ATXN10: variants seen among roughly 807,000 people sequenced by gnomAD.
ATXN10 encodes ataxin-10.
ATXN10 carries 28 observed loss-of-function variants against 52.9 expected under a neutral mutation model. That is an observed-to-expected ratio of 0.53 (90% CI 0.39 to 0.73). The LOEUF is 0.73. ATXN10 is among the 30% of genes least tolerant of loss of function. The pLI, the probability that ATXN10 is intolerant of heterozygous loss-of-function variation, is 0.00. For synonymous variants in ATXN10, 226 were observed against 221.5 expected (o/e 1.02, Z -0.18); for missense variants, 565 against 577.0 (o/e 0.98, Z 0.21).
intron 10 of ATXN10, among the ~76,000 whole-genome samples, chr22:45,836,313 T>C (rs938872881): frequency 3.3e-5 from 5 of 152,272 alleles, no homozygotes; most frequent in Admixed American, 6.5e-5. Flanking sequence ...AAAATATCTC[T>C]TGACATTCGA....
intron 9 of ATXN10, among the ~76,000 whole-genome samples, chr22:45,752,251 T>G (rs1431185075): frequency 6.6e-6 from 1 of 152,206 alleles, no homozygotes; most frequent in Non-Finnish European, 1.5e-5. Flanking sequence ...GAAATGGATT[T>G]GGCCTACTGT....
At position 45,775,192 on chromosome 22, in the gene ATXN10, G is replaced by T. The variant is rs1926907835; in HGVS notation, c.1174-31767G>T. On this transcript the variant is annotated intron_variant, in intron 9 of 11. Transcript: ENST00000252934. This position sits in a 1 kb window ranked among gnomAD's most constrained non-coding sequence, Gnocchi z 4.7. ...ACTCCTAGAGAAGGAGGGGATGGCAGTGGGCAGGGGACAGATGTGTGCACA... is the reference window on the plus strand; with the variant it reads ...ACTCCTAGAGAAGGAGGGGATGGCATTGGGCAGGGGACAGATGTGTGCACA... Among the ~76,000 whole-genome samples, 1 of 152,208 alleles carries T rather than the reference G, an allele frequency of 6.6e-6. No homozygotes were observed. Among genetic ancestry groups the T allele is most frequent in the African/African-American group, 2.4e-5 (1 of 41,456 alleles).
intron 9 of ATXN10, among the ~76,000 whole-genome samples, chr22:45,776,307 C>T (rs1166757079): frequency 1.3e-5 from 2 of 152,146 alleles, no homozygotes; most frequent in Non-Finnish European, 2.9e-5. Flanking sequence ...ACTTTCCATT[C>T]TATAAAGCAC....
At chr22:45,802,521 T>C (rs1490672438) in intron 9 of ATXN10, among the ~76,000 whole-genome samples, 1 of 152,214 alleles carries the variant, frequency 6.6e-6, no homozygotes, top group African/African-American at 2.4e-5. Flanking sequence ...AAGTATGTAA[T>C]TGTGTATTTG....
At chr22:45,724,298 G>A (rs557124733) in intron 6 of ATXN10, among the ~76,000 whole-genome samples, 22 of 152,130 alleles carry the variant, frequency 1.4e-4, no homozygotes, top group African/African-American at 4.8e-4. Flanking sequence ...TTGTATATGC[G>A]TTCCTTTTTC....
chr22:45,768,678 G>A (rs1926671942), intron 9 of ATXN10, among the ~76,000 whole-genome samples: 1 of 152,216 alleles, frequency 6.6e-6, no homozygotes, highest in African/African-American at 2.4e-5. Context: ...AGCTTGCTCA[G>A]TGACAGATGG....
At chr22:45,737,120 G>A (rs1024891876) in intron 7 of ATXN10, among the ~76,000 whole-genome samples, 2 of 152,174 alleles carry the variant, frequency 1.3e-5, no homozygotes, top group Non-Finnish European at 2.9e-5. Flanking sequence ...TCATTATGAA[G>A]CCATAGCTGT....
chr22:45,809,564 C>T (rs1166297871), intron 10 of ATXN10, among the ~76,000 whole-genome samples: 1 of 152,108 alleles, frequency 6.6e-6, no homozygotes, highest in Non-Finnish European at 1.5e-5. Flanking sequence ...CATGAACATT[C>T]AGCTCCTGTA....
intron 6 of ATXN10, 114 bp from the exon 7 acceptor site, chr22:45,729,311 C>A: frequency 1.9e-6 from 2 of 1,051,464 alleles, no homozygotes; most frequent in Non-Finnish European, 2.8e-6. Flanking sequence ...ACATTAGAAG[C>A]AAGGTAAGGA....
At position 45,786,245 on chromosome 22, in the gene ATXN10, T is replaced by C. The variant is rs1927318755; in HGVS notation, c.1174-20714T>C. 6.6e-6 allele frequency among the ~76,000 whole-genome samples: 1 copy of C among 152,262 alleles called. No individual in the cohort carries two copies. Among genetic ancestry groups the C allele is most frequent in the African/African-American group, 2.4e-5 (1 of 41,468 alleles). On this transcript the variant is annotated intron_variant, in intron 9 of 11. Coordinates refer to ENST00000252934, the MANE Select transcript of ATXN10 (RefSeq NM_013236.4). The surrounding 1 kb of genome is among the most constrained non-coding windows in gnomAD (Gnocchi z 4.1). ...GTACTTTAAGAGCCTCTGCCATTACTATTCTTGAAAAGCATCTTTATTTTG... is the reference window on the plus strand; with the variant it reads ...GTACTTTAAGAGCCTCTGCCATTACCATTCTTGAAAAGCATCTTTATTTTG...
At chr22:45,751,493 C>A (rs1305781977) in intron 9 of ATXN10, among the ~76,000 whole-genome samples, 1 of 151,822 alleles carries the variant, frequency 6.6e-6, no homozygotes, top group Non-Finnish European at 1.5e-5. Flanking sequence ...CATTCTTCCA[C>A]TGTTATATGT....
chr22:45,788,934 C>G (rs368853166), intron 9 of ATXN10, among the ~76,000 whole-genome samples: 3 of 152,280 alleles, frequency 2.0e-5, no homozygotes, highest in African/African-American at 7.2e-5. Context: ...CAGGCATGAG[C>G]CACCATGCCC....
chr22:45,843,570 C>A lies in ATXN10; in HGVS notation c.1426-99C>A. The A allele has an allele frequency of 3.6e-6, 4 of 1,104,524 alleles. No individual in the cohort carries two copies. Among genetic ancestry groups the A allele is most frequent in the African/African-American group, 1.5e-5 (1 of 65,202 alleles). 68.4% of individuals were successfully genotyped at this position (1,104,524 alleles called of 1,614,324 possible). On this transcript the variant is annotated intron_variant, in intron 11 of 11. Coordinates refer to ENST00000252934, the MANE Select transcript of ATXN10 (RefSeq NM_013236.4). The surrounding 1 kb of genome is among the most constrained non-coding windows in gnomAD (Gnocchi z 4.5). ...TTTTAGGTTTCTCTAAGTTATTTGTCACCACTGACCAAAGTTCTGGGTTTT... is the reference window on the plus strand; with the variant it reads ...TTTTAGGTTTCTCTAAGTTATTTGTAACCACTGACCAAAGTTCTGGGTTTT...
rs1348817605 is a variant in ATXN10, at chr22:45,780,107, G to A, written c.1174-26852G>A. 1.3e-5 allele frequency among the ~76,000 whole-genome samples: 2 copies of A among 150,124 alleles called. No homozygotes were observed. Among genetic ancestry groups the A allele is most frequent in the South Asian group, 2.1e-4 (1 of 4,778 alleles). ...TCATCTTTTTTTTTTTTTTTGAGAC[G>A]GAGTCTCGTTGTGTCACCCAGGCTG... On this transcript the variant is annotated intron_variant, in intron 9 of 11. Coordinates refer to ENST00000252934, the MANE Select transcript of ATXN10 (RefSeq NM_013236.4). This position sits in a 1 kb window ranked among gnomAD's most constrained non-coding sequence, Gnocchi z 4.0.
rs1927427196 is a variant in ATXN10 at position 45,789,345 on chromosome 22, GC to G, written c.1174-17613del. Among the ~76,000 whole-genome samples the G allele has an allele frequency of 1.3e-5, 2 of 152,310 alleles. No homozygotes were observed. Among genetic ancestry groups the G allele is most frequent in the Admixed American group, 1.3e-4 (2 of 15,300 alleles). On this transcript the variant is annotated intron_variant, in intron 9 of 11. Transcript: ENST00000252934. The surrounding 1 kb of genome is among the most constrained non-coding windows in gnomAD (Gnocchi z 4.0). ...TGGACCCTGCAAGGGTGGAAGGTGAGCTTTTGCTTCTCACGCGCATATATTT... is the reference window on the plus strand; with the variant it reads ...TGGACCCTGCAAGGGTGGAAGGTGAGTTTTGCTTCTCACGCGCATATATTT...
chr22:45,673,262 A>C (rs1392491834), intron 1 of ATXN10: 1 of 152,232 alleles, frequency 6.6e-6, no homozygotes, highest in Non-Finnish European at 1.5e-5. Flanking sequence ...GTACAAGATA[A>C]CACAGCTGTG....
At chr22:45,801,669 A>C (rs73441911) in intron 9 of ATXN10, among the ~76,000 whole-genome samples, 1,702 of 152,274 alleles carry the variant, frequency 0.011, 39 homozygotes, top group African/African-American at 0.039. Context: ...ATATCTACCA[A>C]ATTTCTTATG....
rs1490437052 is a variant in ATXN10, at chr22:45,819,683, T to C, written c.1237+12661T>C. Among the ~76,000 whole-genome samples the C allele has an allele frequency of 6.6e-6, 1 of 152,246 alleles. No individual in the cohort carries two copies. The highest frequency in any genetic ancestry group is 1.9e-4 in the East Asian group (1 of 5,204). On this transcript the variant is annotated intron_variant, in intron 10 of 11. Coordinates refer to ENST00000252934, the MANE Select transcript of ATXN10 (RefSeq NM_013236.4). This position sits in a 1 kb window ranked among gnomAD's most constrained non-coding sequence, Gnocchi z 4.5. ...GAAGTGCTGAGATGAGTTCTTGGCC[T>C]GTGGTCTGTGCTTGTATACATTATT...
intron 9 of ATXN10, chr22:45,760,402 C>T (rs1926342460): frequency 6.5e-6 from 1 of 154,048 alleles, no homozygotes; most frequent in African/African-American, 2.4e-5. Flanking sequence ...CCATGTGCCA[C>T]TTTCTGTGAA....
Sources: allele counts gnomAD v4.1 joint callset (sites outside exome capture counted in the v4.1 genomes callset), GRCh38; gene constraint gnomAD v4.1.1; non-coding constraint Gnocchi (gnomAD v3.1); transcripts MANE v1.5; gene names NCBI Gene and HGNC (gene_info 2026-07-23, HGNC 2026-07-21).